The following HELB variants were observed in gnomAD, a reference collection of about 807,000 sequenced individuals.
The protein encoded by HELB is DNA helicase B.
Under a neutral mutation model 101.7 loss-of-function variants are expected in HELB, and 96 were observed. The observed-to-expected ratio is 0.94, with a 90% CI of 0.80 to 1.12. HELB has a LOEUF of 1.12. Among genes scored for constraint, HELB ranks in the 50% most tolerant of loss-of-function variants. The probability of loss-of-function intolerance (pLI) is 0.00; values close to 1 mark genes in which losing one functional copy is unlikely to be tolerated. For synonymous variants in HELB, 437 were observed against 459.7 expected, an observed-to-expected ratio of 0.95 and a Z score of 0.63; for missense variants, 1,210 against 1,291.9, an observed-to-expected ratio of 0.94 and a Z score of 0.97.
chr12:66,306,212 G>T, intron 2 of HELB, 133 bp from the exon 3 acceptor site: 2 of 552,200 alleles, frequency 3.6e-6, no homozygotes, highest in Non-Finnish European at 6.0e-6. Flanking sequence ...TTTCTTACTG[G>T]TTAAAGCAAG....
intron 3 of HELB, among the ~76,000 whole-genome samples, chr12:66,307,652 T>C (rs528305283): frequency 1.3e-5 from 2 of 152,298 alleles, no homozygotes; most frequent in South Asian, 4.1e-4. Context: ...GCGTTTTTCT[T>C]TTGTGGTCAA....
chr12:66,320,718 A>G, intron 7 of HELB, among the ~76,000 whole-genome samples: 1 of 75,548 alleles, frequency 1.3e-5, no homozygotes, highest in East Asian at 2.5e-4. Context: ...AATTGAGTAA[A>G]TATTCCTTAG....
In HELB at chr12:66,325,034, A is replaced by G. The variant is rs2053719479; in HGVS notation, c.2578A>G (p.Met860Val). Reference sequence around the variant, plus strand: ...GAGAAGATCTTTGACCATTAATAATATGGCTGGCCTGGAAGTAACTGTGGA... The same window carrying G: ...GAGAAGATCTTTGACCATTAATAATGTGGCTGGCCTGGAAGTAACTGTGGA... ...GKRRSLTINN[M>V]AGLEVTVDFK... The change falls in exon 11 of 13, where the codon ATG (methionine) becomes GTG (valine). Residue 860 changes from methionine to valine, a missense_variant. By Grantham distance (21) the Met-to-Val change is conservative. Around this residue, in one of 2 missense-constraint regions of HELB, gnomAD observed 740 missense variants for 728.8 expected, o/e 1.02. Coordinates refer to ENST00000247815, the MANE Select transcript of HELB (RefSeq NM_001370285.1). The G allele has an allele frequency of 2.5e-6, 4 of 1,613,482 alleles. No individual in the cohort carries two copies. The highest frequency in any genetic ancestry group is 4.5e-5 in the East Asian group (2 of 44,838).
In HELB at chr12:66,305,076, A is replaced by G; in HGVS notation, c.533A>G (p.Gln178Arg). 6.2e-7 allele frequency: 1 copy of G among 1,610,966 alleles called. No individual in the cohort carries two copies. Among genetic ancestry groups the G allele is most frequent in the Non-Finnish European group, 8.5e-7 (1 of 1,178,882 alleles). The stretch of plus-strand genomic sequence containing the variant: ...CACAAGGAAACTGGAAGGAAAGATC[A>G]AAAGCAGCCTACACAGAATGGTCAG... ...TFHKETGRKD[Q>R]KQPTQNGQEE... The change falls in exon 2 of 13, where the codon CAA (glutamine) becomes CGA (arginine). Residue 178 changes from glutamine to arginine, a missense_variant. By Grantham distance (43) the Gln-to-Arg change is conservative (BLOSUM62 1). Around this residue, in one of 2 missense-constraint regions of HELB, gnomAD observed 470 missense variants for 563.1 expected, o/e 0.83. Coordinates refer to ENST00000247815, the MANE Select transcript of HELB (RefSeq NM_001370285.1).
Position 66,331,264 on chromosome 12 carries a change from A to T in HELB, c.2781A>T (p.Ala927=). Reference sequence around the variant, plus strand: ...GCCGCTGCCGAGTGTATGTGATTGCAGAGGAGTCTCAGCTCCGGAATGCCA... The same window carrying T: ...GCCGCTGCCGAGTGTATGTGATTGCTGAGGAGTCTCAGCTCCGGAATGCCA... ...TRGRCRVYVI[A]EESQLRNAIM... is the part of the protein sequence containing the mutation. Residue 927 remains alanine, a synonymous_variant, in exon 12 of 13, where the codon GCA becomes GCT. Transcript: ENST00000247815. 1 of 1,614,268 alleles carries T rather than the reference A, an allele frequency of 6.2e-7. No homozygotes were observed. The highest frequency in any genetic ancestry group is 1.1e-5 in the South Asian group (1 of 91,088).
chr12:66,314,612 C>G (rs1459878372), intron 5 of HELB, among the ~76,000 whole-genome samples: 1 of 152,036 alleles, frequency 6.6e-6, no homozygotes, highest in Non-Finnish European at 1.5e-5. Flanking sequence ...TAGTCATGCT[C>G]TGTAGACCAT....
intron 12 of HELB, among the ~76,000 whole-genome samples, chr12:66,333,254 G>T (rs925498145): frequency 2.0e-5 from 3 of 152,118 alleles, no homozygotes; most frequent in Admixed American, 6.5e-5. Context: ...TGGGCAGGAG[G>T]TGCTATTTTG....
Position 66,331,276 on chromosome 12 carries a change from G to T in HELB, c.2793G>T (p.Gln931His). The change falls in exon 12 of 13, where the codon CAG becomes CAT. Residue 931 changes from glutamine (Q) to histidine (H), a missense_variant. Physicochemically the swap from Gln to His is conservative, Grantham distance 24. This residue lies in a region of HELB where 740 missense variants were observed against 728.8 expected (regional missense o/e 1.02). Coordinates refer to ENST00000247815, the MANE Select transcript of HELB (RefSeq NM_001370285.1). ...CRVYVIAEES[Q>H]LRNAIMKNSF... ...TGTATGTGATTGCAGAGGAGTCTCA[G>T]CTCCGGAATGCCATTATGAAAAACA... is the stretch of plus-strand genomic sequence containing the variant. 6.2e-7 allele frequency: 1 copy of T among 1,614,246 alleles called. No homozygotes were observed. Among genetic ancestry groups the T allele is most frequent in the Non-Finnish European group, 8.5e-7 (1 of 1,180,046 alleles).
In HELB at chr12:66,324,160, C is replaced by T. The variant is rs766094292; in HGVS notation, c.2475C>T (p.Asp825=). 1.1e-5 allele frequency: 18 copies of T among 1,613,646 alleles called. No individual in the cohort carries two copies. In the East Asian group the frequency reaches 2.2e-4, roughly 20 times the overall value. Residue 825 remains aspartate, a synonymous_variant, in exon 10 of 13, where the codon GAC becomes GAT. Transcript: ENST00000247815. The stretch of plus-strand genomic sequence containing the variant: ...CTGATTTTGCTAAAAATAAGCGTGA[C>T]TTTGAAAGTAACGTTCGACTGTGCA... ...TLPDFAKNKR[D]FESNVRLCNG...
chr12:66,330,009 A>G (rs946842354), intron 11 of HELB, among the ~76,000 whole-genome samples: 3 of 152,248 alleles, frequency 2.0e-5, no homozygotes, highest in Non-Finnish European at 2.9e-5. Flanking sequence ...CTACGAAGAT[A>G]GAAGAGCTTG....
chr12:66,308,779 A>T (rs1266723317), intron 3 of HELB, among the ~76,000 whole-genome samples: 1 of 152,176 alleles, frequency 6.6e-6, no homozygotes, highest in Non-Finnish European at 1.5e-5. Context: ...TGAGGTGAAT[A>T]GTCCCATTTA....
At position 66,325,038 on chromosome 12, in the gene HELB, C is replaced by T; in HGVS notation, c.2582C>T (p.Ala861Val). The T allele has an allele frequency of 6.2e-7, 1 of 1,613,342 alleles. No individual in the cohort carries two copies. The highest frequency in any genetic ancestry group is 1.1e-5 in the South Asian group (1 of 91,054). The stretch of plus-strand genomic sequence containing the variant: ...AGATCTTTGACCATTAATAATATGG[C>T]TGGCCTGGAAGTAACTGTGGATTTT... The part of the protein sequence containing the change: ...KRRSLTINNM[A>V]GLEVTVDFKK... The change falls in exon 11 of 13, where the codon GCT becomes GTT. Residue 861 changes from alanine to valine, a missense_variant. Physicochemically the swap from Ala to Val is moderately conservative, Grantham distance 64. Coordinates refer to ENST00000247815, the MANE Select transcript of HELB (RefSeq NM_001370285.1).
chr12:66,317,412 A>G (rs2053621098), intron 6 of HELB, among the ~76,000 whole-genome samples: 1 of 152,206 alleles, frequency 6.6e-6, no homozygotes, highest in Admixed American at 6.5e-5. Flanking sequence ...GTGTGGGTTC[A>G]TATTAAGACA....
chr12:66,322,866 C>A, intron 9 of HELB, 83 bp downstream of exon 9: 1 of 849,308 alleles, frequency 1.2e-6, no homozygotes, highest in Non-Finnish European at 1.9e-6. Flanking sequence ...ATGTTTGTCA[C>A]CTATTTACAT....
Position 66,315,270 on chromosome 12 carries a change from AC to A in HELB, c.1889del (p.Pro630LeufsTer5), listed in dbSNP as rs1448964950. ...GDIRQLPSIEPGNLLKDLFET... is the reference protein window; with the variant it reads ...GDIRQLPSIEXGNLLKDLFET... ...ACATTAGACAGTTACCCAGTATTGAACCTGGTAACTTGCTGAAAGATCTTTT... is the reference window on the plus strand; with the variant it reads ...ACATTAGACAGTTACCCAGTATTGAACTGGTAACTTGCTGAAAGATCTTTT... On this transcript the variant is annotated frameshift_variant, in exon 6 of 13. Transcript: ENST00000247815. LOFTEE classifies it high-confidence loss of function. 1.2e-6 allele frequency: 2 copies of A among 1,608,280 alleles called. No homozygotes were observed. Among genetic ancestry groups the A allele is most frequent in the Non-Finnish European group, 1.7e-6 (2 of 1,177,202 alleles).
chr12:66,324,216 G>C lies in HELB; in HGVS notation c.2526+5G>C. Reference sequence around the variant, plus strand: ...GAGATATTTTTCATAACAAATGTAAGTGAAAACAGAAGATAATATCTTTTA... The same window carrying C: ...GAGATATTTTTCATAACAAATGTAACTGAAAACAGAAGATAATATCTTTTA... On this transcript the variant is annotated splice_donor_5th_base_variant and intron_variant, in intron 10 of 12. Transcript: ENST00000247815. 1 of 1,554,190 alleles carries C rather than the reference G, an allele frequency of 6.4e-7. No individual in the cohort carries two copies. Among genetic ancestry groups the C allele is most frequent in the Non-Finnish European group, 8.9e-7 (1 of 1,128,712 alleles).
chr12:66,321,527 T>C, intron 7 of HELB: 1 of 176,428 alleles, frequency 5.7e-6, no homozygotes, highest in Admixed American at 5.6e-5. Flanking sequence ...TGATATAACA[T>C]ATAAGGCCTG....
At position 66,302,522 on chromosome 12, in the gene HELB, A is replaced by G; in HGVS notation, c.-82A>G. 7.7e-7 allele frequency: 1 copy of G among 1,294,108 alleles called. No individual in the cohort carries two copies. Among genetic ancestry groups the G allele is most frequent in the Non-Finnish European group, 1.1e-6 (1 of 937,738 alleles). The allele number at this position is 1,294,108 out of a possible 1,614,324, so 80.2% of individuals were successfully genotyped here. A position where few individuals can be genotyped will look rare whatever the true frequency, so the allele number is the denominator to read the frequency against. ...CGTTCCCGGAAGTTGATGGCCTTACAGTCGTAGAACTGATTGGCTGATCAT... is the reference window on the plus strand; with the variant it reads ...CGTTCCCGGAAGTTGATGGCCTTACGGTCGTAGAACTGATTGGCTGATCAT... On this transcript the variant is annotated 5_prime_UTR_variant, in exon 1 of 13. Coordinates refer to ENST00000247815, the MANE Select transcript of HELB (RefSeq NM_001370285.1).
intron 12 of HELB, among the ~76,000 whole-genome samples, chr12:66,332,821 T>TTA (rs2053825000): frequency 6.6e-6 from 1 of 152,182 alleles, no homozygotes; most frequent in African/African-American, 2.4e-5. Context: ...ACAACATAAA[T>TTA]TCTAGACTAT....
Sources: gnomAD v4.1 joint callset for allele counts (sites outside exome capture counted in the v4.1 genomes callset) on GRCh38, gnomAD v4.1.1 for gene constraint, gnomAD v4.1.1 regional missense constraint, MANE v1.5 for transcripts, NCBI Gene and HGNC (gene_info 2026-07-23, HGNC 2026-07-21) for gene names.